EDAR: variants seen among roughly 807,000 people sequenced by gnomAD.
EDAR encodes the protein tumor necrosis factor receptor superfamily member EDAR.
Under a neutral mutation model 51.3 loss-of-function variants are expected in EDAR, and 38 were observed. The ratio of observed to expected loss-of-function variants is 0.74; its 90% CI spans 0.57 to 0.97. The LOEUF is 0.97. Ranked by LOEUF, EDAR falls within the 50% of genes least tolerant of loss-of-function variation. The probability of loss-of-function intolerance (pLI) is 0.00; values close to 1 mark genes in which losing one functional copy is unlikely to be tolerated. For synonymous variants in EDAR, 227 were observed against 242.1 expected, an observed-to-expected ratio of 0.94 and a Z score of 0.58; for missense variants, 528 against 595.0, an observed-to-expected ratio of 0.89 and a Z score of 1.17.
intron 6 of EDAR, among the ~76,000 whole-genome samples, chr2:108,912,476 A>G (rs1302931034): frequency 4.6e-5 from 7 of 152,180 alleles, no homozygotes; most frequent in African/African-American, 1.4e-4. Context: ...GTCCCAGGAC[A>G]CCCATAGAGG....
intron 4 of EDAR, among the ~76,000 whole-genome samples, chr2:108,925,637 T>C (rs1161844698): frequency 1.3e-5 from 2 of 151,922 alleles, no homozygotes; most frequent in East Asian, 3.9e-4. Context: ...TTTTTCCCCC[T>C]GAAACAGTCT....
rs1438070227 is a variant in EDAR, at chr2:108,895,678, G to A, written c.*1229C>T. The stretch of plus-strand genomic sequence containing the variant: ...CTGAACCCTACCTGCCCCAATTATA[G>A]AATCACTAACTAACATCTCATTGGC... On this transcript the variant is annotated 3_prime_UTR_variant, in exon 12 of 12. Transcript: ENST00000258443. 1 of 152,148 alleles carries A rather than the reference G, an allele frequency of 6.6e-6. No individual in the cohort carries two copies. Among genetic ancestry groups the A allele is most frequent in the Non-Finnish European group, 1.5e-5 (1 of 68,060 alleles). 9.4% of individuals were successfully genotyped at this position (152,148 alleles called of 1,614,324 possible). A position where few individuals can be genotyped will look rare whatever the true frequency, so the allele number is the denominator to read the frequency against.
At chr2:108,945,623 G>C (rs1697701002) in intron 1 of EDAR, among the ~76,000 whole-genome samples, 1 of 152,276 alleles carries the variant, frequency 6.6e-6, no homozygotes, top group Non-Finnish European at 1.5e-5. Flanking sequence ...TAAAAATGCA[G>C]CTAACTTTCT....
At chr2:108,976,482 C>T (rs55796074) in intron 1 of EDAR, among the ~76,000 whole-genome samples, 1,553 of 152,260 alleles carry the variant, frequency 0.01, 20 homozygotes, top group Middle Eastern at 0.02. Flanking sequence ...TGACTCCTTC[C>T]GGTGCTCCTT....
chr2:108,907,970 C>T lies in EDAR; in HGVS notation c.853G>A (p.Asp285Asn), dbSNP rs1369583508. Residue 285 changes from aspartate (D) to asparagine (N), a missense_variant, in exon 10 of 12, where the codon GAC becomes AAC. By Grantham distance (23) the Asp-to-Asn change is conservative (BLOSUM62 1). Coordinates refer to ENST00000258443, the MANE Select transcript of EDAR (RefSeq NM_022336.4). The stretch of plus-strand genomic sequence containing the variant: ...TCAGGGGCGGGCTCCTCATCACTGT[C>T]GACGCTCCGGCTCAGCAGCTGCTCA... ...ENEQLLSRSVDSDEEPAPDKQ... is the reference protein window; with the variant it reads ...ENEQLLSRSVNSDEEPAPDKQ... 5 of 1,613,050 alleles carry T rather than the reference C, an allele frequency of 3.1e-6. No individual in the cohort carries two copies. In the South Asian group the frequency reaches 5.5e-5, roughly 18 times the overall value.
intron 11 of EDAR, among the ~76,000 whole-genome samples, chr2:108,900,696 G>A (rs567901595): frequency 1.4e-4 from 22 of 152,228 alleles, no homozygotes; most frequent in Admixed American, 3.3e-4. Flanking sequence ...TGAGAGAGGC[G>A]TTGGAAGTAA....
rs1012080459 is a variant in EDAR at position 108,964,661 on chromosome 2, AAAG to A, written c.-19+24296_-19+24298del. 6.6e-5 allele frequency among the ~76,000 whole-genome samples: 10 copies of A among 152,330 alleles called. 1 individual carries two copies. The highest frequency in any genetic ancestry group is 6.8e-3 in the Middle Eastern group (2 of 294). On this transcript the variant is annotated intron_variant, in intron 1 of 11. Coordinates refer to ENST00000258443, the MANE Select transcript of EDAR (RefSeq NM_022336.4). ...GCAGCAAATAGCACTCCAATTCCAG[AAAG>A]AAGAAGTGCTGAAGGCGTGTCCACA... is the stretch of plus-strand genomic sequence containing the variant.
At chr2:108,939,974 TCA>T (rs946673167) in intron 1 of EDAR, among the ~76,000 whole-genome samples, 7 of 152,168 alleles carry the variant, frequency 4.6e-5, no homozygotes, top group African/African-American at 1.7e-4. Flanking sequence ...TGATTCTGCT[TCA>T]CAACAAAAGC....
intron 9 of EDAR, among the ~76,000 whole-genome samples, chr2:108,909,442 T>TGAATCGTAGGAAGATCATG (rs1553445460): frequency 1.3e-5 from 2 of 151,412 alleles, no homozygotes; most frequent in African/African-American, 4.9e-5. Context: ...CTTTGCAAGG[T>TGAATCGTAGGAAGATCATG]GAATCATAGG....
chr2:108,950,672 G>A, intron 1 of EDAR, among the ~76,000 whole-genome samples: 1 of 152,210 alleles, frequency 6.6e-6, no homozygotes. Flanking sequence ...TGTTGGAGCT[G>A]CCCTCAGCCT....
chr2:108,964,670 G>A (rs1021597209), intron 1 of EDAR, among the ~76,000 whole-genome samples: 1 of 152,200 alleles, frequency 6.6e-6, no homozygotes, highest in African/African-American at 2.4e-5. Context: ...GAAAGAAGAA[G>A]TGCTGAAGGC....
intron 11 of EDAR, among the ~76,000 whole-genome samples, chr2:108,904,722 A>G (rs988431252): frequency 6.6e-6 from 1 of 152,224 alleles, no homozygotes; most frequent in Non-Finnish European, 1.5e-5. Context: ...CCACGGTTAC[A>G]TACCTTGTGA....
intron 1 of EDAR, among the ~76,000 whole-genome samples, chr2:108,943,004 C>A (rs925916169): frequency 6.6e-6 from 1 of 152,196 alleles, no homozygotes; most frequent in Non-Finnish European, 1.5e-5. Flanking sequence ...GGCGTTTCAC[C>A]GGGCAGGTGA....
At chr2:108,912,914 G>A in intron 5 of EDAR, 150 bp from the exon 6 acceptor site, 1 of 702,742 alleles carries the variant, frequency 1.4e-6, no homozygotes, top group African/African-American at 1.8e-5. Flanking sequence ...TTCTTAGACT[G>A]TTTAATGAAC....
Position 108,907,210 on chromosome 2 carries a change from G to T in EDAR, c.963+650C>A, listed in dbSNP as rs572275486. 2.6e-5 allele frequency among the ~76,000 whole-genome samples: 4 copies of T among 152,374 alleles called. No individual in the cohort carries two copies. The East Asian group carries it at 7.7e-4, about 29-fold the overall frequency. On this transcript the variant is annotated intron_variant, in intron 10 of 11. Coordinates refer to ENST00000258443, the MANE Select transcript of EDAR (RefSeq NM_022336.4). ...AATGCATAGAAGAAAAACGTTGTGTGTGTGTGTGTCTAGAAAATTGTCTGG... is the reference window on the plus strand; with the variant it reads ...AATGCATAGAAGAAAAACGTTGTGTTTGTGTGTGTCTAGAAAATTGTCTGG...
intron 1 of EDAR, among the ~76,000 whole-genome samples, chr2:108,941,675 G>T (rs755711461): frequency 6.6e-6 from 1 of 152,182 alleles, no homozygotes; most frequent in East Asian, 1.9e-4. Context: ...TCCAAAAGAT[G>T]GTGTCTTACA....
intron 1 of EDAR, among the ~76,000 whole-genome samples, chr2:108,984,338 GAAC>G (rs1020533912): frequency 6.6e-6 from 1 of 152,280 alleles, no homozygotes; most frequent in South Asian, 2.1e-4. Context: ...GACTGTCCCA[GAAC>G]AACACAGGGC....
At position 108,896,646 on chromosome 2, in the gene EDAR, G is replaced by A. The variant is rs965366133; in HGVS notation, c.*261C>T. The A allele has an allele frequency of 6.1e-6, 3 of 488,988 alleles. No individual in the cohort carries two copies. The East Asian group carries it at 9.9e-5, about 16-fold the overall frequency. 30.3% of individuals were successfully genotyped at this position (488,988 alleles called of 1,614,324 possible). On this transcript the variant is annotated 3_prime_UTR_variant, in exon 12 of 12. Coordinates refer to ENST00000258443, the MANE Select transcript of EDAR (RefSeq NM_022336.4). ...CAGTGAGTTAATGGTGGGCTGGTGGGCTGGCTGTATGAGTGAGTAGATATT... is the reference window on the plus strand; with the variant it reads ...CAGTGAGTTAATGGTGGGCTGGTGGACTGGCTGTATGAGTGAGTAGATATT...
intron 1 of EDAR, among the ~76,000 whole-genome samples, chr2:108,931,729 C>T (rs13412137): frequency 0.03 from 4,526 of 149,986 alleles, 139 homozygotes; most frequent in African/African-American, 0.078. Flanking sequence ...GTTTTTTTTT[C>T]TTTTTTTTTG....
Sources: gnomAD v4.1 joint callset for allele counts (sites outside exome capture counted in the v4.1 genomes callset) on GRCh38, gnomAD v4.1.1 for gene constraint, MANE v1.5 for transcripts, NCBI Gene and HGNC (gene_info 2026-07-23, HGNC 2026-07-21) for gene names.